The following PARD3B variants were observed in gnomAD, a reference collection of about 807,000 sequenced individuals.
PARD3B encodes the protein par-3 family cell polarity regulator beta, also known as partitioning defective 3 homolog B.
A neutral mutation model predicts 130.2 loss-of-function variants in PARD3B; 103 were observed. The observed-to-expected ratio is 0.79, with a 90% CI of 0.67 to 0.93. PARD3B has a LOEUF of 0.93. Among genes scored for constraint, PARD3B ranks in the 40% least tolerant of loss-of-function variants. The pLI is 0.00. For synonymous variants in PARD3B, 583 were observed against 553.2 expected (o/e 1.05, Z -0.76); for missense variants, 1,609 against 1,499.2 (o/e 1.07, Z -1.21).
chr2:204,582,510 C>T (rs144135428), intron 1 of PARD3B, among the ~76,000 whole-genome samples: 2 of 151,916 alleles, frequency 1.3e-5, no homozygotes, highest in Non-Finnish European at 2.9e-5. Flanking sequence ...GGTTCCCCCC[C>T]CTCATTTCAC....
rs1345232197 is a variant in PARD3B, at chr2:205,425,804, A to G, written c.2742-14566A>G. 2.6e-5 allele frequency among the ~76,000 whole-genome samples: 4 copies of G among 152,198 alleles called. No individual in the cohort carries two copies. In the East Asian group the frequency reaches 5.8e-4, roughly 22 times the overall value. ...AGAACATCAACATGCCCTTTGCTCC[A>G]TGATCTTTGGCAAACCATGGACTGT... On this transcript the variant is annotated intron_variant, in intron 19 of 22. Coordinates refer to ENST00000406610, the MANE Select transcript of PARD3B (RefSeq NM_001302769.2).
chr2:204,702,670 G>A (rs949592241), intron 2 of PARD3B, among the ~76,000 whole-genome samples: 1 of 152,082 alleles, frequency 6.6e-6, no homozygotes, highest in South Asian at 2.1e-4. Flanking sequence ...TACCTCCTGG[G>A]TTCAAATGTT....
rs1235460071 is a variant in PARD3B, at chr2:204,596,891, C to G, written c.120+50772C>G. On this transcript the variant is annotated intron_variant, in intron 1 of 22. Transcript: ENST00000406610. Reference sequence around the variant, plus strand: ...TGAGATGGCACCATTGCACTCCAGCCTGGGCAACAAGAGAGAAACTCACTC... The same window carrying G: ...TGAGATGGCACCATTGCACTCCAGCGTGGGCAACAAGAGAGAAACTCACTC... 2.6e-5 allele frequency among the ~76,000 whole-genome samples: 4 copies of G among 151,806 alleles called. No individual in the cohort carries two copies. In the East Asian group the frequency reaches 7.7e-4, roughly 29 times the overall value.
rs1250954827 is a variant in PARD3B, at chr2:205,496,113, A to G, written c.3045-3783A>G. ...GATATATTTGCTATATAAGTGTTCA[A>G]TAAATTATAACCATTATGATGATTG... On this transcript the variant is annotated intron_variant, in intron 20 of 22. Coordinates refer to ENST00000406610, the MANE Select transcript of PARD3B (RefSeq NM_001302769.2). Among the ~76,000 whole-genome samples the G allele has an allele frequency of 3.9e-5, 6 of 152,338 alleles. No homozygotes were observed. The East Asian group carries it at 7.7e-4, about 20-fold the overall frequency.
chr2:204,643,115 C>CAAAAAAAAAAAAAAAAAAA (rs71029202), intron 1 of PARD3B, among the ~76,000 whole-genome samples: 2,371 of 31,686 alleles, frequency 0.075, 682 homozygotes, highest in Non-Finnish European at 0.1. Context: ...CTCTGTCTCA[C>CAAAAAAAAAAAAAAAAAAA]AAAAAAAAAA....
intron 15 of PARD3B, among the ~76,000 whole-genome samples, chr2:205,216,189 T>C (rs907078641): frequency 6.6e-6 from 1 of 152,286 alleles, no homozygotes; most frequent in African/African-American, 2.4e-5. Context: ...GTATTCACTA[T>C]AGTAACGTGC....
chr2:204,771,812 T>C (rs558535625), intron 2 of PARD3B, among the ~76,000 whole-genome samples: 1 of 152,202 alleles, frequency 6.6e-6, no homozygotes, highest in East Asian at 1.9e-4. Context: ...TGTATAAGAA[T>C]GGCAATACTT....
chr2:205,520,400 G>C (rs1476983295), intron 21 of PARD3B, among the ~76,000 whole-genome samples: 2 of 152,138 alleles, frequency 1.3e-5, no homozygotes, highest in African/African-American at 2.4e-5. Context: ...ATCAGTCTAA[G>C]GGTAGCAAGG....
At chr2:204,849,251 G>C (rs1423150319) in intron 2 of PARD3B, among the ~76,000 whole-genome samples, 1 of 151,948 alleles carries the variant, frequency 6.6e-6, no homozygotes, top group African/African-American at 2.4e-5. Context: ...TACTCTGTAG[G>C]ACATACAGGA....
chr2:204,546,237 G>C, intron 1 of PARD3B, 118 bp downstream of exon 1: 1 of 1,395,616 alleles, frequency 7.2e-7, no homozygotes, highest in Non-Finnish European at 9.7e-7. Flanking sequence ...ACTGCCTGTA[G>C]CTGCAGCTGT....
At chr2:205,250,829 T>C (rs2039813105) in intron 16 of PARD3B, among the ~76,000 whole-genome samples, 2 of 152,050 alleles carry the variant, frequency 1.3e-5, no homozygotes, top group African/African-American at 4.8e-5. Flanking sequence ...CTTGGAAGCC[T>C]GAGGCAAGAG....
At chr2:204,729,810 T>C (rs927649687) in intron 2 of PARD3B, among the ~76,000 whole-genome samples, 4 of 152,138 alleles carry the variant, frequency 2.6e-5, no homozygotes, top group Admixed American at 6.6e-5. Flanking sequence ...TTTAACCCTT[T>C]TGATAACCCA....
chr2:204,753,511 G>A (rs1443268393), intron 2 of PARD3B, among the ~76,000 whole-genome samples: 4 of 150,826 alleles, frequency 2.7e-5, no homozygotes, highest in Non-Finnish European at 5.9e-5. Context: ...TTAAAGGACA[G>A]TATAAATAAA....
chr2:205,233,350 T>A (rs2038928559), intron 15 of PARD3B, among the ~76,000 whole-genome samples: 1 of 152,048 alleles, frequency 6.6e-6, no homozygotes, highest in Admixed American at 6.5e-5. Context: ...GTACACTATA[T>A]GACATGTTAA....
intron 2 of PARD3B, among the ~76,000 whole-genome samples, chr2:204,917,112 A>C (rs1251103281): frequency 2.0e-5 from 3 of 152,370 alleles, no homozygotes; most frequent in African/African-American, 7.2e-5. Context: ...TTAGAGCCAG[A>C]GGAGGACAAT....
chr2:204,679,401 C>T (rs1397022307), intron 1 of PARD3B, among the ~76,000 whole-genome samples: 1 of 152,054 alleles, frequency 6.6e-6, no homozygotes, highest in Non-Finnish European at 1.5e-5. Flanking sequence ...TCAGTTACTG[C>T]CAGTTTTCCA....
rs180864265 is a variant in PARD3B, at chr2:205,321,565, G to A, written c.2630+19864G>A. Among the ~76,000 whole-genome samples the A allele has an allele frequency of 1.3e-5, 2 of 151,948 alleles. No homozygotes were observed. Among genetic ancestry groups the A allele is most frequent in the East Asian group, 3.9e-4 (2 of 5,178 alleles). ...ATTTTTCTCTTAATAACTTAACAGT[G>A]GTTGCAAACTTGATGTCTTTTTATC... On this transcript the variant is annotated intron_variant, in intron 18 of 22. Transcript: ENST00000406610. The surrounding 1 kb of genome is among the most constrained non-coding windows in gnomAD (Gnocchi z 4.2).
chr2:205,024,526 TG>T (rs1696872133), intron 3 of PARD3B, among the ~76,000 whole-genome samples: 1 of 152,136 alleles, frequency 6.6e-6, no homozygotes, highest in South Asian at 2.1e-4. Context: ...TATTCCCAAA[TG>T]ATAGGATTTA....
intron 21 of PARD3B, among the ~76,000 whole-genome samples, chr2:205,515,075 G>A (rs1432232703): frequency 6.6e-6 from 1 of 152,022 alleles, no homozygotes; most frequent in Non-Finnish European, 1.5e-5. Flanking sequence ...CCACTTTTAA[G>A]TGAGAACATA....
Sources: allele counts gnomAD v4.1 joint callset (sites outside exome capture counted in the v4.1 genomes callset), GRCh38; gene constraint gnomAD v4.1.1; non-coding constraint Gnocchi (gnomAD v3.1); transcripts MANE v1.5; gene names NCBI Gene and HGNC (gene_info 2026-07-23, HGNC 2026-07-21).